ZNF177: variants seen among roughly 807,000 people sequenced by gnomAD.
ZNF177 encodes the protein zinc finger protein 177.
ZNF177 carries 17 observed loss-of-function variants against 19.4 expected under a neutral mutation model. That is an observed-to-expected ratio of 0.87 (90% confidence interval 0.60 to 1.31). ZNF177 has a LOEUF of 1.31. Ranked by LOEUF, ZNF177 falls within the 40% of genes most tolerant of loss-of-function variation. The pLI, the probability that ZNF177 is intolerant of heterozygous loss-of-function variation, is 0.00. For synonymous variants in ZNF177, 220 were observed against 188.7 expected, an observed-to-expected ratio of 1.17 and a Z score of -1.36; for missense variants, 633 against 561.8, an observed-to-expected ratio of 1.13 and a Z score of -1.28.
intron 5 of ZNF177, 152 bp downstream of exon 7, chr19:9,380,291 A>T: frequency 9.6e-7 from 1 of 1,041,728 alleles, no homozygotes; most frequent in Non-Finnish European, 1.3e-6. Flanking sequence ...TTTGATTTTC[A>T]TGAAATTGGA....
upstream of ZNF177, among the ~76,000 whole-genome samples, chr19:9,371,933 A>G (rs372517438): frequency 6.6e-6 from 1 of 152,096 alleles, no homozygotes; most frequent in Non-Finnish European, 1.5e-5. Context: ...ATCCATTCAA[A>G]TTTTTATTAA....
chr19:9,363,452 CG>C (rs1337676831), intron 1 of ZNF177, among the ~76,000 whole-genome samples: 1 of 152,174 alleles, frequency 6.6e-6, no homozygotes, highest in Admixed American at 6.5e-5. Flanking sequence ...TTGGGATGCG[CG>C]TTATTGGTTT....
chr19:9,370,460 C>T (rs1343184737), intron 2 of ZNF177, among the ~76,000 whole-genome samples: 2 of 151,030 alleles, frequency 1.3e-5, no homozygotes, highest in African/African-American at 4.9e-5. Flanking sequence ...GTTGCTCAGG[C>T]TGGAGTACAG....
chr19:9,378,487 G>C (rs1456855965), intron 2 of ZNF177, 143 bp downstream of exon 4: 1 of 1,288,336 alleles, frequency 7.8e-7, no homozygotes, highest in Non-Finnish European at 1.1e-6. Flanking sequence ...TGTGGAAGAG[G>C]GAATCCCTGG....
exon 6 of ZNF177, chr19:9,380,705 A>G: frequency 6.5e-7 from 1 of 1,535,922 alleles, no homozygotes; most frequent in Non-Finnish European, 8.7e-7. Flanking sequence ...CTGGAGTGTA[A>G]CCATTGTGGG....
chr19:9,369,873 C>A (rs1345796659), intron 2 of ZNF177, among the ~76,000 whole-genome samples: 1 of 152,070 alleles, frequency 6.6e-6, no homozygotes, highest in South Asian at 2.1e-4. Context: ...TACTCAATCA[C>A]CTCCTTCCCA....
intron 2 of ZNF177, among the ~76,000 whole-genome samples, chr19:9,370,919 A>T (rs566723297): frequency 4.6e-5 from 7 of 152,326 alleles, no homozygotes; most frequent in African/African-American, 1.7e-4. Context: ...TATTTTGCAC[A>T]TCTTGCATCA....
chr19:9,380,490 C>G (rs1278331031), intron 5 of ZNF177, 178 bp from the exon 8 acceptor site: 1 of 1,258,436 alleles, frequency 7.9e-7, no homozygotes, highest in African/African-American at 1.5e-5. Flanking sequence ...GAGGAGTGAG[C>G]TTATTCAACT....
downstream of ZNF177, chr19:9,382,497 T>C (rs1187868346): frequency 1.0e-5 from 4 of 398,366 alleles, no homozygotes; most frequent in East Asian, 1.1e-4. Flanking sequence ...GGATTTCATG[T>C]TACATGAGAA....
At chr19:9,378,196 C>A in intron 1 of ZNF177, 63 bp from the exon 4 acceptor site, 1 of 1,435,300 alleles carries the variant, frequency 7.0e-7, no homozygotes, top group South Asian at 1.5e-5. Context: ...AGAAGCTTCC[C>A]AGCCTGCTAG....
At chr19:9,374,068 G>C (rs577182466), upstream of ZNF177, among the ~76,000 whole-genome samples, 45 of 152,132 alleles carry the variant, frequency 3.0e-4, no homozygotes, top group South Asian at 5.8e-3. Flanking sequence ...AATCCATTTT[G>C]AGTTGATTTT....
upstream of ZNF177, among the ~76,000 whole-genome samples, chr19:9,372,631 C>T (rs994499641): frequency 1.5e-5 from 2 of 136,062 alleles, no homozygotes; most frequent in Non-Finnish European, 3.0e-5. Context: ...ACTGCAACTT[C>T]TGCCTCCCAG....
At chr19:9,367,557 A>G (rs2067997112) in intron 2 of ZNF177, among the ~76,000 whole-genome samples, 1 of 152,046 alleles carries the variant, frequency 6.6e-6, no homozygotes, top group South Asian at 2.1e-4. Context: ...TTTCCTATTT[A>G]TTGACATTTT....
intron 1 of ZNF177, among the ~76,000 whole-genome samples, chr19:9,363,961 ATAGAT>A (rs1471699827): frequency 6.6e-6 from 1 of 152,182 alleles, no homozygotes; most frequent in Non-Finnish European, 1.5e-5. Context: ...TGTGTTTTTG[ATAGAT>A]TAAAGACATT....
exon 6 of ZNF177, chr19:9,381,808 A>C (rs770157847): frequency 1.3e-6 from 2 of 1,556,894 alleles, no homozygotes; most frequent in African/African-American, 2.7e-5. Context: ...GTTGCCCCTC[A>C]TGCCTCCTTT....
upstream of ZNF177, chr19:9,371,704 C>G (rs963449139): frequency 2.0e-5 from 3 of 152,030 alleles, no homozygotes; most frequent in African/African-American, 7.2e-5. Context: ...ATGTGGATTT[C>G]TTTTTATGTA....
intron 2 of ZNF177, among the ~76,000 whole-genome samples, chr19:9,367,794 T>C (rs1284300976): frequency 7.2e-5 from 11 of 152,246 alleles, no homozygotes; most frequent in Non-Finnish European, 8.8e-5. Flanking sequence ...TGTAAACTGC[T>C]GTTAATAGAA....
exon 2 of ZNF177, chr19:9,378,291 A>C: frequency 6.2e-7 from 1 of 1,613,558 alleles, no homozygotes; most frequent in Non-Finnish European, 8.5e-7. Flanking sequence ...CCAGCCAGGA[A>C]GGAAACCTAC....
upstream of ZNF177, among the ~76,000 whole-genome samples, chr19:9,372,823 A>AG (rs2068064432): frequency 2.0e-5 from 3 of 152,126 alleles, no homozygotes; most frequent in Admixed American, 2.0e-4. Context: ...CTGAGATGAC[A>AG]GGCGTGAGCC....
Sources: gnomAD v4.1 joint callset for allele counts (sites outside exome capture counted in the v4.1 genomes callset) on GRCh38, gnomAD v4.1.1 for gene constraint, MANE v1.5 for transcripts, NCBI Gene and HGNC (gene_info 2026-07-23, HGNC 2026-07-21) for gene names.